The following BUB1 variants were observed in gnomAD, a reference collection of about 807,000 sequenced individuals.
BUB1 encodes mitotic checkpoint serine/threonine-protein kinase BUB1.
In BUB1, 84 loss-of-function variants were observed where a neutral mutation model predicts 135.2. The observed-to-expected ratio is 0.62, with a 90% CI of 0.52 to 0.74. BUB1 has a LOEUF of 0.74. Among genes scored for constraint, BUB1 ranks in the 30% least tolerant of loss-of-function variants. BUB1 has a pLI of 0.00. For missense variants in BUB1, 1,162 were observed against 1,288.3 expected, an observed-to-expected ratio of 0.90 and a Z score of 1.50; for synonymous variants, 403 against 434.4, an observed-to-expected ratio of 0.93 and a Z score of 0.90.
In BUB1 at chr2:110,669,480, A is replaced by C; in HGVS notation, c.540T>G (p.Asn180Lys). The C allele has an allele frequency of 2.5e-6, 4 of 1,602,684 alleles. No individual in the cohort carries two copies. The South Asian group carries it at 4.4e-5, about 18-fold the overall frequency. The change falls in exon 6 of 25, where the codon AAT (asparagine) becomes AAG (lysine). Residue 180 changes from asparagine (N) to lysine (K), a missense_variant. Transcript: ENST00000302759. Reference sequence around the variant, plus strand: ...GATTCTTAGAAATGCAGGCCATGTTATTTCCTGGATTTGATTTTGATGTTA... The same window carrying C: ...GATTCTTAGAAATGCAGGCCATGTTCTTTCCTGGATTTGATTTTGATGTTA... Reference protein sequence around the residue: ...QMITSKSNPGNNMACISKNQG... With the variant: ...QMITSKSNPGKNMACISKNQG...
At chr2:110,663,053 G>A (rs192644870) in intron 9 of BUB1, among the ~76,000 whole-genome samples, 1 of 152,268 alleles carries the variant, frequency 6.6e-6, no homozygotes, top group East Asian at 1.9e-4. Context: ...GGCCGAGGTA[G>A]GTGGATCACA....
At chr2:110,660,284 G>A (rs545837805) in intron 10 of BUB1, among the ~76,000 whole-genome samples, 26 of 152,046 alleles carry the variant, frequency 1.7e-4, no homozygotes, top group Non-Finnish European at 3.5e-4. Context: ...GCTGAGGCAG[G>A]AGAATCACTT....
At chr2:110,641,922 G>A in intron 20 of BUB1, 119 bp from the exon 21 acceptor site, 1 of 1,196,126 alleles carries the variant, frequency 8.4e-7, no homozygotes, top group Non-Finnish European at 1.2e-6. Flanking sequence ...GCTATGAACT[G>A]TTGCTGCAAT....
chr2:110,642,389 C>A, intron 19 of BUB1, 155 bp from the exon 20 acceptor site: 1 of 487,242 alleles, frequency 2.1e-6, no homozygotes, highest in South Asian at 3.1e-5. Context: ...ATATTTGTCA[C>A]AAATAATCAA....
intron 16 of BUB1, among the ~76,000 whole-genome samples, 192 bp downstream of exon 16, chr2:110,655,547 A>G (rs931070875): frequency 4.6e-5 from 7 of 152,192 alleles, no homozygotes; most frequent in African/African-American, 1.7e-4. Flanking sequence ...GACTTTAGGA[A>G]GACAATATGC....
rs1038199572 is a variant in BUB1 at position 110,674,048 on chromosome 2, T to C, written c.225+38A>G. On this transcript the variant is annotated intron_variant, in intron 3 of 24. Coordinates refer to ENST00000302759, the MANE Select transcript of BUB1 (RefSeq NM_004336.5). ...AAGTTTAAAAAGCAAAAGTACAACA[T>C]GATTATAGATTTGATTATACATCTT... The C allele has an allele frequency of 2.1e-5, 30 of 1,428,876 alleles. No homozygotes were observed. In the Admixed American group the frequency reaches 4.7e-4, roughly 22 times the overall value. The allele number at this position is 1,428,876 out of a possible 1,614,324, so 88.5% of individuals were successfully genotyped here.
At chr2:110,658,933 G>A (rs1291077068) in intron 11 of BUB1, among the ~76,000 whole-genome samples, 191 bp from the exon 12 acceptor site, 2 of 152,170 alleles carry the variant, frequency 1.3e-5, no homozygotes, top group African/African-American at 2.4e-5. Context: ...AGTAAATGAG[G>A]TGAAAATTAT....
At chr2:110,676,496 G>A (rs945926037) in intron 1 of BUB1, 1 of 152,108 alleles carries the variant, frequency 6.6e-6, no homozygotes, top group Non-Finnish European at 1.5e-5. Flanking sequence ...AGATCTAGAA[G>A]ACACATACAC....
chr2:110,669,600 CG>C, intron 5 of BUB1, 47 bp from the exon 6 acceptor site: 1 of 1,257,870 alleles, frequency 7.9e-7, no homozygotes, highest in Non-Finnish European at 1.2e-6. Flanking sequence ...AGGGTAAAAC[CG>C]TAAGTAAAAT....
intron 8 of BUB1, 96 bp downstream of exon 8, chr2:110,667,425 C>A (rs1690288017): frequency 9.6e-6 from 12 of 1,247,392 alleles, no homozygotes; most frequent in Non-Finnish European, 1.3e-5. Context: ...TGCAGTCTTT[C>A]AACATAGTCA....
intron 11 of BUB1, among the ~76,000 whole-genome samples, chr2:110,659,698 T>G (rs754230247): frequency 6.6e-6 from 1 of 152,228 alleles, no homozygotes; most frequent in African/African-American, 2.4e-5. Context: ...CCTAACATAC[T>G]AAAGATGACT....
intron 10 of BUB1, among the ~76,000 whole-genome samples, chr2:110,660,479 A>G (rs1407694474): frequency 6.6e-6 from 1 of 152,230 alleles, no homozygotes; most frequent in Non-Finnish European, 1.5e-5. Context: ...GTCAATAATT[A>G]CAAGCCTGTT....
At chr2:110,668,199 G>A (rs1244787385) in intron 6 of BUB1, among the ~76,000 whole-genome samples, 2 of 151,982 alleles carry the variant, frequency 1.3e-5, no homozygotes, top group Non-Finnish European at 2.9e-5. Context: ...ATTCCCAACT[G>A]CTGCTAATTT....
chr2:110,667,364 T>C (rs942285076), intron 8 of BUB1, among the ~76,000 whole-genome samples, 157 bp downstream of exon 8: 2 of 152,080 alleles, frequency 1.3e-5, no homozygotes, highest in Non-Finnish European at 2.9e-5. Flanking sequence ...AAACGCAAAA[T>C]GGGTTAATAA....
At chr2:110,649,206 A>G in intron 19 of BUB1, 28 bp downstream of exon 19, 2 of 1,591,018 alleles carry the variant, frequency 1.3e-6, no homozygotes, top group Non-Finnish European at 1.7e-6. Context: ...ACAAGAATTT[A>G]AAGTTATATT....
intron 19 of BUB1, among the ~76,000 whole-genome samples, chr2:110,644,292 A>G (rs1689586014): frequency 6.6e-6 from 1 of 151,624 alleles, no homozygotes; most frequent in Non-Finnish European, 1.5e-5. Flanking sequence ...CAAGGCCAAC[A>G]TGATGAAACC....
chr2:110,644,403 G>A (rs1430342540), intron 19 of BUB1, among the ~76,000 whole-genome samples: 1 of 151,216 alleles, frequency 6.6e-6, no homozygotes, highest in African/African-American at 2.4e-5. Context: ...CTTAAACCCT[G>A]GAGGCGGAGG....
At chr2:110,653,728 G>A (rs759292572) in intron 16 of BUB1, among the ~76,000 whole-genome samples, 8 of 152,206 alleles carry the variant, frequency 5.3e-5, no homozygotes, top group Non-Finnish European at 8.8e-5. Context: ...CTACTGGCCA[G>A]GCACAGTGGC....
rs199924772 is a variant in BUB1, at chr2:110,672,654, T to C, written c.422+7A>G. 12 of 1,557,086 alleles carry C rather than the reference T, an allele frequency of 7.7e-6. No individual in the cohort carries two copies. The highest frequency in any genetic ancestry group is 4.1e-5 in the Admixed American group (2 of 48,848). The stretch of plus-strand genomic sequence containing the variant: ...AATCATCACAGAGAGTTTGACTTTG[T>C]AACTACCTGTATTGTTGTTGCAGGA... On this transcript the variant is annotated splice_region_variant and intron_variant, in intron 4 of 24. Transcript: ENST00000302759.
Sources: allele counts gnomAD v4.1 joint callset (sites outside exome capture counted in the v4.1 genomes callset), GRCh38; gene constraint gnomAD v4.1.1; transcripts MANE v1.5; gene names NCBI Gene and HGNC (gene_info 2026-07-23, HGNC 2026-07-21).